Variants in ARMC10 observed in about 807,000 individuals in gnomAD.
The protein encoded by ARMC10 is armadillo repeat containing 10.
ARMC10 carries 23 observed loss-of-function variants against 30.2 expected under a neutral mutation model. The observed-to-expected ratio is 0.76, with a 90% CI of 0.55 to 1.08. ARMC10 has a LOEUF of 1.08. ARMC10 is among the 50% of genes least tolerant of loss of function. The pLI, the probability that ARMC10 is intolerant of heterozygous loss-of-function variation, is 0.00. For missense variants in ARMC10, 303 were observed against 413.7 expected (o/e 0.73, Z 2.32); for synonymous variants, 111 against 164.4 (o/e 0.68, Z 2.48).
chr7:103,082,018 G>A (rs1056324746), intron 2 of ARMC10: 1 of 408,978 alleles, frequency 2.4e-6, no homozygotes, highest in Non-Finnish European at 4.9e-6. Flanking sequence ...GTTTCTTCCT[G>A]TGTAAAATAA....
intron 3 of ARMC10, among the ~76,000 whole-genome samples, chr7:103,085,280 T>C (rs921816032): frequency 1.3e-5 from 2 of 152,096 alleles, no homozygotes; most frequent in Non-Finnish European, 2.9e-5. Context: ...AAAAAACTTT[T>C]CTAGTAACTG....
Position 103,075,818 on chromosome 7 carries a change from C to G in ARMC10, c.181C>G (p.Arg61Gly). The G allele has an allele frequency of 6.2e-7, 1 of 1,610,856 alleles. No individual in the cohort carries two copies. Among genetic ancestry groups the G allele is most frequent in the Non-Finnish European group, 8.5e-7 (1 of 1,178,674 alleles). The change falls in exon 2 of 7, where the codon CGC (arginine) becomes GGC (glycine). Residue 61 changes from arginine (R) to glycine (G), a missense_variant. Arg to Gly is a moderately radical substitution (Grantham distance 125, BLOSUM62 -2). This residue lies in a region of ARMC10 where 96 missense variants were observed against 84.2 expected (regional missense o/e 1.14). Coordinates refer to ENST00000323716, the MANE Select transcript of ARMC10 (RefSeq NM_031905.5). ...GACGTCAGAGGGTCAGTTGTGCGGG[C>G]GCTCGGCCCGGCCTCAGACGGGAGG... is the stretch of plus-strand genomic sequence containing the variant. ...EGTSEGQLCG[R>G]SARPQTGGTW...
chr7:103,077,265 C>T (rs6465890), intron 2 of ARMC10, among the ~76,000 whole-genome samples: 123,872 of 151,880 alleles, frequency 0.82, 52,826 homozygotes, highest in Middle Eastern at 0.95. Flanking sequence ...GAAGGTCTCT[C>T]TCACTTTTGC....
chr7:103,086,709 C>A lies in ARMC10; in HGVS notation c.473C>A (p.Ala158Asp). 6.3e-7 allele frequency: 1 copy of A among 1,594,880 alleles called. No homozygotes were observed. Among genetic ancestry groups the A allele is most frequent in the Non-Finnish European group, 8.5e-7 (1 of 1,175,360 alleles). ...TCCAACCAGAGTATTAAAGAGAAAG[C>A]TTTAAATGCACTAAATAACCTGAGT... ...NHSNQSIKEK[A>D]LNALNNLSVN... Residue 158 changes from alanine (A) to aspartate (D), a missense_variant, in exon 4 of 7, where the codon GCT (alanine) becomes GAT (aspartate). Physicochemically the swap from Ala to Asp is moderately radical, Grantham distance 126. This residue lies in a region of ARMC10 where 170 missense variants were observed against 207.2 expected (regional missense o/e 0.82). Transcript: ENST00000323716.
At chr7:103,079,690 C>A (rs966855205) in intron 2 of ARMC10, among the ~76,000 whole-genome samples, 1 of 152,132 alleles carries the variant, frequency 6.6e-6, no homozygotes, top group African/African-American at 2.4e-5. Context: ...ATCTTGAGTA[C>A]AAGTAAATAT....
rs202066616 is a variant in ARMC10 at position 103,086,661 on chromosome 7, T to C, written c.425T>C (p.Ile142Thr). ...ATTCGTGAATTGGGTGGTATTCCAA[T>C]TGTTGCAAACAAAATCAACCATTCC... is the stretch of plus-strand genomic sequence containing the variant. ...AIIRELGGIP[I>T]VANKINHSNQ... is the part of the protein sequence containing the mutation. The change falls in exon 4 of 7, where the codon ATT (isoleucine) becomes ACT (threonine). Residue 142 changes from isoleucine to threonine, a missense_variant. Physicochemically the swap from Ile to Thr is moderately conservative, Grantham distance 89. This residue lies in a region of ARMC10 where 170 missense variants were observed against 207.2 expected (regional missense o/e 0.82). Coordinates refer to ENST00000323716, the MANE Select transcript of ARMC10 (RefSeq NM_031905.5). The C allele has an allele frequency of 9.0e-4, 1,431 of 1,592,686 alleles. 5 individuals carry two copies. The highest frequency in any genetic ancestry group is 6.6e-4 in the Non-Finnish European group (777 of 1,175,216).
chr7:103,075,625 C>G (rs1384694166), intron 1 of ARMC10, 152 bp from the exon 2 acceptor site: 3 of 848,770 alleles, frequency 3.5e-6, no homozygotes, highest in Non-Finnish European at 5.1e-6. Flanking sequence ...GCCTGAGCTC[C>G]GCGTCACAGC....
rs7802487 is a variant in ARMC10, at chr7:103,079,253, C to G, written c.244+3372C>G. Among the ~76,000 whole-genome samples the G allele has an allele frequency of 7.3e-3, 1,111 of 151,550 alleles. 10 individuals carry two copies. The highest frequency in any genetic ancestry group is 0.025 in the African/African-American group (1,050 of 41,266). ...AATGGACATGGAAGGAGGAGTCATA[C>G]TAGAAAAAGGAAAAGCCACATGATG... On this transcript the variant is annotated intron_variant, in intron 2 of 6. Coordinates refer to ENST00000323716, the MANE Select transcript of ARMC10 (RefSeq NM_031905.5).
At chr7:103,092,908 T>C (rs917904731) in intron 5 of ARMC10, among the ~76,000 whole-genome samples, 2 of 152,214 alleles carry the variant, frequency 1.3e-5, no homozygotes, top group African/African-American at 2.4e-5. Flanking sequence ...ATAGGAACAT[T>C]GTGATTAAAA....
intron 4 of ARMC10, among the ~76,000 whole-genome samples, chr7:103,091,732 C>G (rs1264663295): frequency 1.3e-5 from 2 of 152,136 alleles, no homozygotes; most frequent in African/African-American, 4.8e-5. Context: ...GACCGCAGAC[C>G]AGTTGAAACC....
chr7:103,097,241 G>A, intron 5 of ARMC10, 36 bp from the exon 6 acceptor site: 2 of 1,554,940 alleles, frequency 1.3e-6, no homozygotes, highest in Non-Finnish European at 1.8e-6. Context: ...ATTCATGCTT[G>A]CCAGTCTGAG....
intron 4 of ARMC10, among the ~76,000 whole-genome samples, chr7:103,088,385 C>G (rs1197763738): frequency 6.6e-6 from 1 of 152,022 alleles, no homozygotes; most frequent in Non-Finnish European, 1.5e-5. Flanking sequence ...TAGAATTAAT[C>G]AAGTATCAGT....
chr7:103,081,419 T>C (rs1361471720), intron 2 of ARMC10, among the ~76,000 whole-genome samples: 1 of 152,274 alleles, frequency 6.6e-6, no homozygotes, highest in Non-Finnish European at 1.5e-5. Flanking sequence ...TCACGCAAGC[T>C]GGAGTGCAGT....
chr7:103,081,437 T>A (rs1246156841), intron 2 of ARMC10, among the ~76,000 whole-genome samples: 1 of 152,210 alleles, frequency 6.6e-6, no homozygotes, highest in East Asian at 1.9e-4. Flanking sequence ...AGTGATGCAA[T>A]CTCAGCTTAC....
Position 103,098,290 on chromosome 7 carries a change from A to C in ARMC10, c.778-9A>C, listed in dbSNP as rs765045503. 3 of 1,468,012 alleles carry C rather than the reference A, an allele frequency of 2.0e-6. No individual in the cohort carries two copies. Among genetic ancestry groups the C allele is most frequent in the Non-Finnish European group, 2.7e-6 (3 of 1,110,532 alleles). The allele number at this position is 1,468,012 out of a possible 1,614,324, so 90.9% of individuals were successfully genotyped here. ...AATATAAAATAATACTCATTGTTTCATATTTCAGGTGGATTCATCATTCCT... is the reference window on the plus strand; with the variant it reads ...AATATAAAATAATACTCATTGTTTCCTATTTCAGGTGGATTCATCATTCCT... On this transcript the variant is annotated splice_polypyrimidine_tract_variant and intron_variant, in intron 6 of 6. Coordinates refer to ENST00000323716, the MANE Select transcript of ARMC10 (RefSeq NM_031905.5).
At chr7:103,087,638 A>G (rs6946989) in intron 4 of ARMC10, 234,905 of 254,652 alleles carry the variant, frequency 0.92, 111,628 homozygotes, top group East Asian at 1. Flanking sequence ...TCACGAAACA[A>G]GAGACAGGAG....
chr7:103,083,094 G>A (rs958833622), intron 2 of ARMC10: 12 of 456,518 alleles, frequency 2.6e-5, no homozygotes, highest in South Asian at 1.1e-4. Context: ...GGTGTACCTC[G>A]TTTTTAAAAG....
intron 2 of ARMC10, among the ~76,000 whole-genome samples, chr7:103,080,591 A>G (rs1800294135): frequency 1.3e-5 from 2 of 151,494 alleles, no homozygotes; most frequent in South Asian, 2.1e-4. Flanking sequence ...AAGAGAATAT[A>G]TAGAATTAAA....
At chr7:103,090,354 C>T (rs1801202670) in intron 4 of ARMC10, among the ~76,000 whole-genome samples, 1 of 152,166 alleles carries the variant, frequency 6.6e-6, no homozygotes, top group African/African-American at 2.4e-5. Context: ...CCAAAGAGAA[C>T]CAGTTGACTT....
Sources: gnomAD v4.1 joint callset for allele counts (sites outside exome capture counted in the v4.1 genomes callset) on GRCh38, gnomAD v4.1.1 for gene constraint, gnomAD v4.1.1 regional missense constraint, MANE v1.5 for transcripts, NCBI Gene and HGNC (gene_info 2026-07-23, HGNC 2026-07-21) for gene names.